The following PTPRD variants were observed in gnomAD, a reference collection of about 807,000 sequenced individuals.
PTPRD encodes the protein receptor-type tyrosine-protein phosphatase delta.
PTPRD carries 34 observed loss-of-function variants against 214.5 expected under a neutral mutation model. The ratio of observed to expected loss-of-function variants is 0.16; its 90% CI spans 0.12 to 0.21. The LOEUF is 0.21. Ranked by LOEUF, PTPRD falls within the 10% of genes least tolerant of loss-of-function variation. PTPRD has a pLI of 1.00. For missense variants in PTPRD, 2,545 were observed against 2,398.7 expected (o/e 1.06, Z -1.27); for synonymous variants, 1,128 against 845.7 (o/e 1.33, Z -5.79).
At chr9:10,014,508 A>T (rs1395991551) in intron 4 of PTPRD, among the ~76,000 whole-genome samples, 2 of 152,042 alleles carry the variant, frequency 1.3e-5, no homozygotes, top group Non-Finnish European at 2.9e-5. Flanking sequence ...GGTAACATGA[A>T]AGACAATTGT....
At chr9:9,698,504 C>T (rs1376924688) in intron 7 of PTPRD, among the ~76,000 whole-genome samples, 1 of 152,142 alleles carries the variant, frequency 6.6e-6, no homozygotes, top group Non-Finnish European at 1.5e-5. Context: ...ACCCATGGGA[C>T]ATGCCAACAA....
chr9:9,684,082 C>G (rs1305515018), intron 7 of PTPRD, among the ~76,000 whole-genome samples: 1 of 151,342 alleles, frequency 6.6e-6, no homozygotes, highest in African/African-American at 2.4e-5. Context: ...GCCAGATACT[C>G]GAATCATTTT....
chr9:8,931,116 T>C (rs953308825), intron 11 of PTPRD, among the ~76,000 whole-genome samples: 3 of 152,076 alleles, frequency 2.0e-5, no homozygotes, highest in African/African-American at 4.8e-5. Context: ...AAGTCTTTAA[T>C]CCATCTTGAA....
chr9:8,681,974 G>C (rs897745930), intron 12 of PTPRD, among the ~76,000 whole-genome samples: 1 of 152,014 alleles, frequency 6.6e-6, no homozygotes, highest in African/African-American at 2.4e-5. Context: ...TCTCCAAAAA[G>C]TTCTACAAAC....
At chr9:8,497,105 TG>T in intron 26 of PTPRD, 136 bp downstream of exon 26, 1 of 739,288 alleles carries the variant, frequency 1.4e-6, no homozygotes, top group East Asian at 3.0e-5. Context: ...CACCACACAG[TG>T]AAGATAACTT....
At chr9:10,103,983 C>T (rs983251971) in intron 3 of PTPRD, among the ~76,000 whole-genome samples, 2 of 151,582 alleles carry the variant, frequency 1.3e-5, no homozygotes, top group Admixed American at 1.3e-4. Flanking sequence ...ATCATTCCAC[C>T]TTAGAAAGGA....
At chr9:9,756,918 C>T (rs58298248) in intron 6 of PTPRD, among the ~76,000 whole-genome samples, 3 of 152,142 alleles carry the variant, frequency 2.0e-5, no homozygotes, top group East Asian at 3.8e-4. Flanking sequence ...GAAAAACATG[C>T]TAGTCGTTTT....
intron 7 of PTPRD, among the ~76,000 whole-genome samples, chr9:9,633,302 A>AG (rs200776978): frequency 2.6e-5 from 4 of 151,360 alleles, no homozygotes; most frequent in Non-Finnish European, 2.9e-5. Flanking sequence ...ACTCCATCTC[A>AG]GGGAAAAAAA....
intron 14 of PTPRD, among the ~76,000 whole-genome samples, chr9:8,531,236 G>C (rs2075606612): frequency 6.6e-6 from 1 of 152,048 alleles, no homozygotes; most frequent in African/African-American, 2.4e-5. Flanking sequence ...CCAAGAGAAA[G>C]TTAAAAATTA....
Position 8,850,025 on chromosome 9 carries a change from T to G in PTPRD, c.-103-116079A>C, listed in dbSNP as rs145122633. On this transcript the variant is annotated intron_variant, in intron 11 of 45. Transcript: ENST00000381196. ...GAGAATCTACAAAATTGCCTGAGGA[T>G]AAGAACAAAAGGAAGAAAAGAGATA... 3.5e-3 allele frequency among the ~76,000 whole-genome samples: 534 copies of G among 152,100 alleles called. 4 individuals carry two copies. Among genetic ancestry groups the G allele is most frequent in the African/African-American group, 0.012 (491 of 41,502 alleles).
intron 3 of PTPRD, among the ~76,000 whole-genome samples, chr9:10,135,823 A>G (rs1023072379): frequency 1.3e-5 from 2 of 152,000 alleles, no homozygotes; most frequent in Non-Finnish European, 2.9e-5. Context: ...TACACAATTA[A>G]GTCTACAAAA....
At chr9:10,011,967 AAC>A (rs920047405) in intron 4 of PTPRD, among the ~76,000 whole-genome samples, 1 of 151,880 alleles carries the variant, frequency 6.6e-6, no homozygotes, top group Non-Finnish European at 1.5e-5. Flanking sequence ...ATGTTCCGGA[AAC>A]TCGCTTTTGT....
intron 36 of PTPRD, among the ~76,000 whole-genome samples, chr9:8,401,144 T>C (rs926520320): frequency 2.0e-5 from 3 of 148,966 alleles, no homozygotes; most frequent in Non-Finnish European, 4.4e-5. Context: ...CCATTTGGTC[T>C]TTATTTGAAA....
At chr9:9,722,048 C>CT (rs558177911) in intron 7 of PTPRD, among the ~76,000 whole-genome samples, 4 of 151,734 alleles carry the variant, frequency 2.6e-5, no homozygotes, top group Non-Finnish European at 5.9e-5. Context: ...ATCCCAGTTT[C>CT]TTTTTTTTCT....
chr9:8,527,709 A>C (rs536024011), intron 15 of PTPRD, among the ~76,000 whole-genome samples: 27 of 152,260 alleles, frequency 1.8e-4, no homozygotes, highest in Non-Finnish European at 3.1e-4. Flanking sequence ...ACAGGCTCTA[A>C]AACTTAAGAA....
intron 2 of PTPRD, among the ~76,000 whole-genome samples, chr9:10,599,741 G>T (rs1416599282): frequency 1.3e-5 from 2 of 151,724 alleles, no homozygotes; most frequent in Non-Finnish European, 2.9e-5. Flanking sequence ...AATGATTCAA[G>T]ATTGCTCTAT....
At chr9:9,490,033 G>GAGATCCTC (rs2095834054) in intron 8 of PTPRD, among the ~76,000 whole-genome samples, 1 of 152,048 alleles carries the variant, frequency 6.6e-6, no homozygotes, top group South Asian at 2.1e-4. Context: ...CCACATATAA[G>GAGATCCTC]AGATCCTCCA....
At chr9:9,769,271 A>G (rs532482743) in intron 5 of PTPRD, among the ~76,000 whole-genome samples, 23 of 149,896 alleles carry the variant, frequency 1.5e-4, no homozygotes, top group African/African-American at 5.4e-4. Flanking sequence ...TGTCAAGCTT[A>G]CAGGGTGGAC....
chr9:9,838,028 G>A (rs1414911743), intron 5 of PTPRD, among the ~76,000 whole-genome samples: 5 of 151,858 alleles, frequency 3.3e-5, no homozygotes, highest in Non-Finnish European at 4.4e-5. Context: ...GTTTGGTTTT[G>A]TGTCCTTGCG....
Sources: gnomAD v4.1 joint callset for allele counts (sites outside exome capture counted in the v4.1 genomes callset) on GRCh38, gnomAD v4.1.1 for gene constraint, MANE v1.5 for transcripts, NCBI Gene and HGNC (gene_info 2026-07-23, HGNC 2026-07-21) for gene names.